Variants in BUB1 observed in about 807,000 individuals in gnomAD.
The protein encoded by BUB1 is mitotic checkpoint serine/threonine-protein kinase BUB1.
A neutral mutation model predicts 135.2 loss-of-function variants in BUB1; 84 were observed. That is an observed-to-expected ratio of 0.62 (90% confidence interval 0.52 to 0.74). BUB1 has a LOEUF of 0.74. Among genes scored for constraint, BUB1 ranks in the 30% least tolerant of loss-of-function variants. The pLI is 0.00. For missense variants in BUB1, 1,162 were observed against 1,288.3 expected, an observed-to-expected ratio of 0.90 and a Z score of 1.50; for synonymous variants, 403 against 434.4, an observed-to-expected ratio of 0.93 and a Z score of 0.90.
At position 110,641,793 on chromosome 2, in the gene BUB1, G is replaced by A. The variant is rs1689512903; in HGVS notation, c.2474C>T (p.Pro825Leu). ...KQKFVLKVQK[P>L]ANPWEFYIGT... ...AATGTAGAATTCCCAGGGGTTGGCA[G>A]GCTTTTGGACCTGCAAATCAGGTAT... is the stretch of plus-strand genomic sequence containing the variant. Residue 825 changes from proline (P) to leucine (L), a missense_variant, in exon 21 of 25, where the codon CCT (proline) becomes CTT (leucine). By Grantham distance (98) the Pro-to-Leu change is moderately conservative (BLOSUM62 -3). Coordinates refer to ENST00000302759, the MANE Select transcript of BUB1 (RefSeq NM_004336.5). 1.9e-6 allele frequency: 3 copies of A among 1,604,686 alleles called. No homozygotes were observed. The highest frequency in any genetic ancestry group is 1.3e-5 in the African/African-American group (1 of 74,836).
At chr2:110,676,536 A>AC (rs1553517986) in intron 1 of BUB1, 1 of 152,112 alleles carries the variant, frequency 6.6e-6, no homozygotes, top group Non-Finnish European at 1.5e-5. Context: ...TATGTACAAG[A>AC]TTTTTCACCG....
chr2:110,660,430 T>C (rs1253924318), intron 10 of BUB1, among the ~76,000 whole-genome samples: 1 of 151,986 alleles, frequency 6.6e-6, no homozygotes, highest in Non-Finnish European at 1.5e-5. Flanking sequence ...AATTTTTAAC[T>C]GACTCTCAAG....
At position 110,655,875 on chromosome 2, in the gene BUB1, A is replaced by C. The variant is rs755180626; in HGVS notation, c.1740T>G (p.Thr580=). The change falls in exon 16 of 25, where the codon ACT becomes ACG. Residue 580 remains threonine, a synonymous_variant. Transcript: ENST00000302759. ...PHAEEFLDDS[T]VWGIRCNKTL... ...TTTTGTTGCAGCGAATACCCCATAC[A>C]GTTGAGTCATCCAAAAACTCTTCAG... 3 of 1,613,878 alleles carry C rather than the reference A, an allele frequency of 1.9e-6. No individual in the cohort carries two copies. The highest frequency in any genetic ancestry group is 2.5e-6 in the Non-Finnish European group (3 of 1,179,798).
chr2:110,667,887 T>A, intron 6 of BUB1, 38 bp from the exon 7 acceptor site: 1 of 1,596,332 alleles, frequency 6.3e-7, no homozygotes, highest in Non-Finnish European at 8.5e-7. Flanking sequence ...TTCACTTATC[T>A]GAGAAGAAAG....
intron 1 of BUB1, chr2:110,676,535 G>C (rs1319039815): frequency 6.6e-6 from 1 of 152,126 alleles, no homozygotes; most frequent in Non-Finnish European, 1.5e-5. Context: ...TTATGTACAA[G>C]ATTTTTCACC....
intron 19 of BUB1, among the ~76,000 whole-genome samples, chr2:110,645,084 G>T (rs1689607741): frequency 6.6e-6 from 1 of 152,038 alleles, no homozygotes; most frequent in Non-Finnish European, 1.5e-5. Flanking sequence ...AATATCAGTG[G>T]TCTAAATATA....
chr2:110,654,141 T>C (rs1225486453), intron 16 of BUB1, among the ~76,000 whole-genome samples: 2 of 152,132 alleles, frequency 1.3e-5, no homozygotes, highest in Non-Finnish European at 2.9e-5. Flanking sequence ...CTGGTACGGA[T>C]GGCAGGGCTA....
At position 110,637,763 on chromosome 2, in the gene BUB1, C is replaced by T; in HGVS notation, c.*201G>A. 1 of 390,370 alleles carries T rather than the reference C, an allele frequency of 2.6e-6. No individual in the cohort carries two copies. Among genetic ancestry groups the T allele is most frequent in the Non-Finnish European group, 4.5e-6 (1 of 223,530 alleles). 24.2% of individuals were successfully genotyped at this position (390,370 alleles called of 1,614,324 possible). A position where few individuals can be genotyped will look rare whatever the true frequency, so the allele number is the denominator to read the frequency against. On this transcript the variant is annotated 3_prime_UTR_variant, in exon 25 of 25. Coordinates refer to ENST00000302759, the MANE Select transcript of BUB1 (RefSeq NM_004336.5). ...ACAAATGCTTGCATCCCAGAAGCAG[C>T]CCAATCAGCCTGCTATATAGGGACC...
chr2:110,674,856 T>C (rs938014134), intron 1 of BUB1: 1 of 181,716 alleles, frequency 5.5e-6, no homozygotes. Flanking sequence ...CAGTGGGATC[T>C]AGGCATGGCA....
Position 110,668,004 on chromosome 2 carries a change from ATTGT to A in BUB1, c.568-159_568-156del, listed in dbSNP as rs943772999. On this transcript the variant is annotated intron_variant, in intron 6 of 24. Transcript: ENST00000302759. ...TTTAAATTATGATTAATATCAAAAG[ATTGT>A]TTGTATCAACAACCTTACAATAACT... Among the ~76,000 whole-genome samples, 8 of 152,300 alleles carry A rather than the reference ATTGT, an allele frequency of 5.3e-5. No homozygotes were observed. The East Asian group carries it at 1.2e-3, about 22-fold the overall frequency.
chr2:110,639,313 T>A (rs1240735486), intron 24 of BUB1, among the ~76,000 whole-genome samples: 2 of 151,576 alleles, frequency 1.3e-5, no homozygotes, highest in Admixed American at 1.3e-4. Context: ...TACTTTATAA[T>A]TTATGAAGCA....
chr2:110,649,390 A>AT lies in BUB1; in HGVS notation c.2204-14_2204-13insA. 19 of 1,502,198 alleles carry AT rather than the reference A, an allele frequency of 1.3e-5. No individual in the cohort carries two copies. Among genetic ancestry groups the AT allele is most frequent in the Admixed American group, 2.3e-5 (1 of 44,036 alleles). 93.1% of individuals were successfully genotyped at this position (1,502,198 alleles called of 1,614,324 possible). ...CCAACAATGAAGTCTTAAAGGAATG[A>AT]GAAAAAAAAAAAAAAAGGGAACATG... is the stretch of plus-strand genomic sequence containing the variant. On this transcript the variant is annotated splice_polypyrimidine_tract_variant and intron_variant, in intron 18 of 24. Coordinates refer to ENST00000302759, the MANE Select transcript of BUB1 (RefSeq NM_004336.5).
At chr2:110,643,145 G>A (rs1316008248) in intron 19 of BUB1, among the ~76,000 whole-genome samples, 6 of 152,152 alleles carry the variant, frequency 3.9e-5, no homozygotes, top group African/African-American at 1.4e-4. Context: ...GAAAATCAAC[G>A]ACGCTTCTGA....
At chr2:110,653,690 G>T (rs570870794) in intron 16 of BUB1, among the ~76,000 whole-genome samples, 167 bp from the exon 17 acceptor site, 1 of 152,072 alleles carries the variant, frequency 6.6e-6, no homozygotes, top group East Asian at 1.9e-4. Flanking sequence ...AAAAAAATGG[G>T]AGGAAAAAAT....
At chr2:110,669,681 T>A in intron 5 of BUB1, 128 bp from the exon 6 acceptor site, 1 of 580,628 alleles carries the variant, frequency 1.7e-6, no homozygotes, top group Non-Finnish European at 3.0e-6. Flanking sequence ...ATTCACACTG[T>A]CTCAGAAATT....
At chr2:110,670,906 T>G (rs1481200771) in intron 4 of BUB1, among the ~76,000 whole-genome samples, 2 of 152,358 alleles carry the variant, frequency 1.3e-5, no homozygotes, top group South Asian at 2.1e-4. Flanking sequence ...TTAGGTTCTT[T>G]ATACATTTGG....
At position 110,657,023 on chromosome 2, in the gene BUB1, C is replaced by G; in HGVS notation, c.1698+13G>C. 1 of 1,605,718 alleles carries G rather than the reference C, an allele frequency of 6.2e-7. No homozygotes were observed. The highest frequency in any genetic ancestry group is 2.2e-5 in the East Asian group (1 of 44,734). ...TGTAGGACCCATTTCATAGATAAAA[C>G]AGGTTTGTTTACCTTTGGTTTTGAA... is the stretch of plus-strand genomic sequence containing the variant. On this transcript the variant is annotated intron_variant, in intron 15 of 24. Transcript: ENST00000302759.
chr2:110,677,439 T>C lies in BUB1; in HGVS notation c.26+531A>G, dbSNP rs192207553. 4.1e-3 allele frequency among the ~76,000 whole-genome samples: 628 copies of C among 152,328 alleles called. 3 individuals are homozygous for C. The highest frequency in any genetic ancestry group is 6.8e-3 in the Middle Eastern group (2 of 294). ...GGAACTTTAAGTAAAAAGTGAGTGATGTTAGCAGGTTGGCACACATCACTC... is the reference window on the plus strand; with the variant it reads ...GGAACTTTAAGTAAAAAGTGAGTGACGTTAGCAGGTTGGCACACATCACTC... On this transcript the variant is annotated intron_variant, in intron 1 of 24. Coordinates refer to ENST00000302759, the MANE Select transcript of BUB1 (RefSeq NM_004336.5).
At chr2:110,661,512 G>T (rs1435089241) in intron 10 of BUB1, 70 bp downstream of exon 10, 60 of 1,524,466 alleles carry the variant, frequency 3.9e-5, no homozygotes, top group Non-Finnish European at 5.2e-5. Context: ...TCCTGATAAT[G>T]CAGGTCATGT....
Sources: allele counts gnomAD v4.1 joint callset (sites outside exome capture counted in the v4.1 genomes callset), GRCh38; gene constraint gnomAD v4.1.1; transcripts MANE v1.5; gene names NCBI Gene and HGNC (gene_info 2026-07-23, HGNC 2026-07-21).